The following NEMP2 variants were observed in gnomAD, a reference collection of about 807,000 sequenced individuals.
NEMP2 encodes the protein UPF0571 transmembrane protein.
A neutral mutation model predicts 54.2 loss-of-function variants in NEMP2; 53 were observed. The observed-to-expected ratio is 0.98, with a 90% CI of 0.78 to 1.23. The LOEUF (loss-of-function observed/expected upper bound fraction) is 1.23, where lower values mean the gene tolerates loss of function less well. NEMP2 is among the 50% of genes most tolerant of loss of function. The pLI is 0.00. For missense variants in NEMP2, 455 were observed against 511.3 expected (o/e 0.89, Z 1.06); for synonymous variants, 197 against 190.3 (o/e 1.04, Z -0.29).
the NEMP2 span, among the ~76,000 whole-genome samples, chr2:190,454,986 A>C: frequency 1.2e-5 from 1 of 86,778 alleles, no homozygotes; most frequent in East Asian, 2.9e-4. This position sits in a 1 kb window ranked among gnomAD's most constrained non-coding sequence, Gnocchi z 4.6. Context: ...ATGTATATGT[A>C]TATGTATATG....
At chr2:190,538,576 C>T (rs1691449955), upstream of NEMP2, among the ~76,000 whole-genome samples, 1 of 151,928 alleles carries the variant, frequency 6.6e-6, no homozygotes. The surrounding 1 kb of genome is among the most constrained non-coding windows in gnomAD (Gnocchi z 4.1). Flanking sequence ...ATTTACATTT[C>T]CACCAACAGT....
chr2:190,551,025 A>T, the NEMP2 span, among the ~76,000 whole-genome samples: 1 of 149,554 alleles, frequency 6.7e-6, no homozygotes, highest in African/African-American at 2.4e-5. Context: ...ATATGATGGT[A>T]ATCTAATCTT....
chr2:190,576,954 T>A, the NEMP2 span, among the ~76,000 whole-genome samples: 1 of 152,200 alleles, frequency 6.6e-6, no homozygotes, highest in African/African-American at 2.4e-5. Context: ...CTTGTTCTCA[T>A]GAAGTTCACT....
rs1231020300 is a variant in NEMP2 at position 190,521,096 on chromosome 2, ACT to A, written c.214-1915_214-1914del. Among the ~76,000 whole-genome samples, 1 of 152,212 alleles carries A rather than the reference ACT, an allele frequency of 6.6e-6. No homozygotes were observed. Among genetic ancestry groups the A allele is most frequent in the African/African-American group, 2.4e-5 (1 of 41,446 alleles). ...TCTCACTTCAAATCCATGACTGTGA[ACT>A]TAAGAGAGGGACATGAAAGTTGCAG... On this transcript the variant is annotated intron_variant, in intron 2 of 8. Transcript: ENST00000409150. The surrounding 1 kb of genome is among the most constrained non-coding windows in gnomAD (Gnocchi z 6.2).
the NEMP2 span, among the ~76,000 whole-genome samples, chr2:190,596,312 C>T: frequency 1.2e-3 from 184 of 152,162 alleles, 1 homozygote; most frequent in African/African-American, 3.4e-3. This position sits in a 1 kb window ranked among gnomAD's most constrained non-coding sequence, Gnocchi z 5.1. Flanking sequence ...GACAGGTTGA[C>T]GGGTGCAGCA....
chr2:190,585,854 A>G, the NEMP2 span, among the ~76,000 whole-genome samples: 6 of 152,164 alleles, frequency 3.9e-5, no homozygotes, highest in Admixed American at 3.9e-4. This position sits in a 1 kb window ranked among gnomAD's most constrained non-coding sequence, Gnocchi z 5.3. Context: ...GTTGGGCTCT[A>G]GGGCAGTTAC....
the NEMP2 span, among the ~76,000 whole-genome samples, chr2:190,619,590 T>A: frequency 2.6e-5 from 4 of 152,258 alleles, no homozygotes; most frequent in African/African-American, 7.2e-5. This position sits in a 1 kb window ranked among gnomAD's most constrained non-coding sequence, Gnocchi z 5.5. Context: ...AGATTTTTTT[T>A]AAATGTTATG....
chr2:190,619,591 A>T, the NEMP2 span, among the ~76,000 whole-genome samples: 1 of 152,028 alleles, frequency 6.6e-6, no homozygotes, highest in African/African-American at 2.4e-5. The surrounding 1 kb of genome is among the most constrained non-coding windows in gnomAD (Gnocchi z 5.5). Flanking sequence ...GATTTTTTTT[A>T]AATGTTATGC....
At chr2:190,572,120 A>G in the NEMP2 span, among the ~76,000 whole-genome samples, 1 of 152,138 alleles carries the variant, frequency 6.6e-6, no homozygotes, top group African/African-American at 2.4e-5. Flanking sequence ...TGTTCCCACA[A>G]ATAGAGAAGG....
the NEMP2 span, among the ~76,000 whole-genome samples, chr2:190,599,668 G>C: frequency 1.3e-3 from 195 of 152,262 alleles, 1 homozygote; most frequent in African/African-American, 4.4e-3. Flanking sequence ...GGCTGTGTAG[G>C]AGTTATGTAA....
chr2:190,500,767 A>T (rs1240130433), downstream of NEMP2: 1 of 152,920 alleles, frequency 6.5e-6, no homozygotes, highest in African/African-American at 2.4e-5. The surrounding 1 kb of genome is among the most constrained non-coding windows in gnomAD (Gnocchi z 5.3). Flanking sequence ...TAAAAGTTAA[A>T]GTTAAAAAAT....
the NEMP2 span, among the ~76,000 whole-genome samples, chr2:190,432,719 A>G: frequency 2.0e-5 from 3 of 152,210 alleles, no homozygotes; most frequent in Non-Finnish European, 4.4e-5. Flanking sequence ...ACCTGGCCAA[A>G]ATCTCTGTGT....
the NEMP2 span, among the ~76,000 whole-genome samples, chr2:190,632,941 C>A: frequency 6.6e-6 from 1 of 152,230 alleles, no homozygotes; most frequent in Non-Finnish European, 1.5e-5. This position sits in a 1 kb window ranked among gnomAD's most constrained non-coding sequence, Gnocchi z 4.8. Context: ...TGCCTTCCCA[C>A]CCACCGTTGC....
chr2:190,521,130 A>T lies in NEMP2; in HGVS notation c.214-1947T>A. Among the ~76,000 whole-genome samples, 1 of 152,312 alleles carries T rather than the reference A, an allele frequency of 6.6e-6. No individual in the cohort carries two copies. The highest frequency in any genetic ancestry group is 2.4e-5 in the African/African-American group (1 of 41,582). On this transcript the variant is annotated intron_variant, in intron 2 of 8. Coordinates refer to ENST00000409150, the MANE Select transcript of NEMP2 (RefSeq NM_001142645.2). The surrounding 1 kb of genome is among the most constrained non-coding windows in gnomAD (Gnocchi z 6.2). Reference sequence around the variant, plus strand: ...AGGGACATGAAAGTTGCAGTCATTCATACCACATATTACTATTCATTCATT... The same window carrying T: ...AGGGACATGAAAGTTGCAGTCATTCTTACCACATATTACTATTCATTCATT...
At chr2:190,431,193 C>G in the NEMP2 span, among the ~76,000 whole-genome samples, 3 of 150,480 alleles carry the variant, frequency 2.0e-5, no homozygotes, top group Non-Finnish European at 4.4e-5. This position sits in a 1 kb window ranked among gnomAD's most constrained non-coding sequence, Gnocchi z 4.4. Flanking sequence ...GGATGGTGGC[C>G]GGGAAGAGGC....
At chr2:190,493,379 TA>T in the NEMP2 span, among the ~76,000 whole-genome samples, 1 of 152,086 alleles carries the variant, frequency 6.6e-6, no homozygotes, top group South Asian at 2.1e-4. Context: ...CCCAAATTTA[TA>T]AAACAATCAC....
the NEMP2 span, among the ~76,000 whole-genome samples, chr2:190,480,503 C>T: frequency 6.6e-6 from 1 of 152,216 alleles, no homozygotes; most frequent in South Asian, 2.1e-4. Context: ...ATTATGAAAG[C>T]TCTTCCTAGG....
the NEMP2 span, among the ~76,000 whole-genome samples, chr2:190,621,831 G>A: frequency 1.6e-4 from 24 of 152,172 alleles, no homozygotes; most frequent in Non-Finnish European, 3.5e-4. Context: ...TCTGAGGGCT[G>A]GGCATGGTGG....
chr2:190,422,423 T>A, the NEMP2 span, among the ~76,000 whole-genome samples: 2 of 152,174 alleles, frequency 1.3e-5, no homozygotes, highest in Non-Finnish European at 2.9e-5. Flanking sequence ...GATTTATCCT[T>A]TTGTTCTGGT....
Sources: allele counts gnomAD v4.1 joint callset (sites outside exome capture counted in the v4.1 genomes callset), GRCh38; gene constraint gnomAD v4.1.1; non-coding constraint Gnocchi (gnomAD v3.1); transcripts MANE v1.5; gene names NCBI Gene and HGNC (gene_info 2026-07-23, HGNC 2026-07-21).